Variants in ATPAF2 observed in about 807,000 individuals in gnomAD.
ATPAF2 encodes ATP synthase mitochondrial F1 complex assembly factor 2.
ATPAF2 carries 30 observed loss-of-function variants against 36.6 expected under a neutral mutation model. That is an observed-to-expected ratio of 0.82 (90% CI 0.61 to 1.11). The LOEUF (loss-of-function observed/expected upper bound fraction) is 1.11, where lower values mean the gene tolerates loss of function less well. ATPAF2 is among the 50% of genes most tolerant of loss of function. ATPAF2 has a pLI of 0.00. For missense variants in ATPAF2, 321 were observed against 372.3 expected, an observed-to-expected ratio of 0.86 and a Z score of 1.13; for synonymous variants, 140 against 152.6, an observed-to-expected ratio of 0.92 and a Z score of 0.61.
downstream of ATPAF2, among the ~76,000 whole-genome samples, chr17:18,017,189 A>C (rs1428313369): frequency 2.0e-5 from 3 of 146,700 alleles, no homozygotes; most frequent in African/African-American, 7.5e-5. Flanking sequence ...AAAAAAAAAA[A>C]AAAAAAAAAA....
intron 5 of ATPAF2, among the ~76,000 whole-genome samples, chr17:18,023,114 G>A (rs1568569006): frequency 7.2e-6 from 1 of 138,450 alleles, no homozygotes; most frequent in Non-Finnish European, 1.5e-5. Flanking sequence ...GGGTGACAGA[G>A]CGAGACTCCT....
chr17:18,024,034 T>C (rs1302170213), intron 5 of ATPAF2, among the ~76,000 whole-genome samples: 1 of 152,244 alleles, frequency 6.6e-6, no homozygotes, highest in African/African-American at 2.4e-5. Flanking sequence ...TTTCTCCAAG[T>C]GCATACATAT....
At chr17:18,024,571 T>A in intron 5 of ATPAF2, 53 bp downstream of exon 5, 7 of 1,499,592 alleles carry the variant, frequency 4.7e-6, no homozygotes, top group Non-Finnish European at 6.5e-6. Flanking sequence ...ACCCCTACAC[T>A]CCACCAAACG....
downstream of ATPAF2, chr17:18,016,148 G>GCCTCGGCCTCCC (rs2044354971): frequency 6.2e-7 from 1 of 1,613,870 alleles, no homozygotes; most frequent in Admixed American, 1.7e-5. Flanking sequence ...TCGAGAAGAT[G>GCCTCGGCCTCCC]AGCTGGTGAC....
At chr17:18,022,947 G>A (rs946665859) in intron 5 of ATPAF2, among the ~76,000 whole-genome samples, 3 of 151,618 alleles carry the variant, frequency 2.0e-5, no homozygotes, top group Non-Finnish European at 4.4e-5. Flanking sequence ...AACACGGTGA[G>A]ACGCCGTCTC....
intron 4 of ATPAF2, 125 bp downstream of exon 4, chr17:18,026,194 A>C (rs2044542842): frequency 2.1e-6 from 2 of 954,846 alleles, no homozygotes; most frequent in African/African-American, 1.6e-5. Flanking sequence ...TGCCAAAGTC[A>C]AGTGGGCCAC....
chr17:18,016,573 A>G (rs763193733), downstream of ATPAF2: 13 of 1,613,528 alleles, frequency 8.1e-6, no homozygotes, highest in Non-Finnish European at 1.1e-5. Context: ...CAAGGATGAG[A>G]TCATGAGGAA....
intron 1 of ATPAF2, among the ~76,000 whole-genome samples, chr17:18,037,445 A>G (rs2044719100): frequency 6.6e-6 from 1 of 151,842 alleles, no homozygotes; most frequent in Non-Finnish European, 1.5e-5. Context: ...TTAGCAGGGC[A>G]TGGTGGCAGA....
intron 4 of ATPAF2, chr17:18,025,248 C>T (rs1597669710): frequency 5.1e-6 from 1 of 194,270 alleles, no homozygotes; most frequent in East Asian, 1.3e-4. Flanking sequence ...TAAGTCCACC[C>T]ACCTCCTGGC....
chr17:18,019,185 A>ACACAC (rs1313379853), intron 7 of ATPAF2, among the ~76,000 whole-genome samples: 8 of 146,354 alleles, frequency 5.5e-5, no homozygotes, highest in African/African-American at 2.0e-4. Flanking sequence ...ACACACACAC[A>ACACAC]CCCCACCACC....
At chr17:18,031,229 C>A (rs2044630274) in intron 1 of ATPAF2, among the ~76,000 whole-genome samples, 2 of 151,782 alleles carry the variant, frequency 1.3e-5, no homozygotes, top group South Asian at 4.2e-4. Flanking sequence ...CCCACCTCAG[C>A]CTCCCAAAGT....
downstream of ATPAF2, chr17:18,016,796 A>G (rs186699780): frequency 1.9e-6 from 1 of 533,020 alleles, no homozygotes; most frequent in Non-Finnish European, 3.3e-6. Context: ...GATCCCCAAC[A>G]CCATTCTTCC....
At chr17:18,015,419 A>G (rs2044322921), downstream of ATPAF2, 1 of 152,378 alleles carries the variant, frequency 6.6e-6, no homozygotes, top group Admixed American at 6.5e-5. Flanking sequence ...ACTCCATTTC[A>G]ACCATCCCAG....
At chr17:18,025,634 T>G (rs2044532697) in intron 4 of ATPAF2, 1 of 155,286 alleles carries the variant, frequency 6.4e-6, no homozygotes, top group Non-Finnish European at 1.4e-5. Context: ...CTGTATAGTT[T>G]TCAAGAATCC....
At chr17:18,029,201 ATCCAACAGGAAC>A (rs1466381055) in intron 1 of ATPAF2, among the ~76,000 whole-genome samples, 1 of 152,252 alleles carries the variant, frequency 6.6e-6, no homozygotes, top group Non-Finnish European at 1.5e-5. Flanking sequence ...TTGCTTGTGT[ATCCAACAGGAAC>A]TCCAAACATT....
chr17:18,023,430 G>A (rs1415332175), intron 5 of ATPAF2, among the ~76,000 whole-genome samples: 2 of 152,042 alleles, frequency 1.3e-5, no homozygotes, highest in Non-Finnish European at 2.9e-5. Context: ...TCCATCTCAA[G>A]AAAGAAAAAA....
intron 1 of ATPAF2, among the ~76,000 whole-genome samples, chr17:18,035,236 C>CAAA (rs777598440): frequency 2.1e-4 from 31 of 147,418 alleles, no homozygotes; most frequent in African/African-American, 7.7e-4. Context: ...CTCTTAAAAA[C>CAAA]AAAAAAAAAC....
chr17:18,021,613 C>G (rs890354566), intron 6 of ATPAF2, 132 bp downstream of exon 6: 2 of 838,626 alleles, frequency 2.4e-6, no homozygotes, highest in Non-Finnish European at 4.2e-6. Context: ...AGCCACCCAG[C>G]CTCCACACTC....
downstream of ATPAF2, chr17:18,016,042 T>C (rs776729046): frequency 9.3e-6 from 15 of 1,612,076 alleles, no homozygotes; most frequent in East Asian, 2.2e-5. Flanking sequence ...CACTTTCTCA[T>C]TGGATTCTTT....
Sources: allele counts gnomAD v4.1 joint callset (sites outside exome capture counted in the v4.1 genomes callset), GRCh38; gene constraint gnomAD v4.1.1; transcripts MANE v1.5; gene names NCBI Gene and HGNC (gene_info 2026-07-23, HGNC 2026-07-21).